TMEM132D: variants seen among roughly 807,000 people sequenced by gnomAD.
TMEM132D encodes the protein transmembrane protein 132D, also known as mature OL transmembrane protein.
TMEM132D carries 21 observed loss-of-function variants against 62.3 expected under a neutral mutation model. That is an observed-to-expected ratio of 0.34 (90% CI 0.24 to 0.49). TMEM132D has a LOEUF of 0.49. TMEM132D is among the 20% of genes least tolerant of loss of function. The pLI, the probability that TMEM132D is intolerant of heterozygous loss-of-function variation, is 0.99. For missense variants in TMEM132D, 1,346 were observed against 1,402.8 expected (o/e 0.96, Z 0.65); for synonymous variants, 621 against 575.6 (o/e 1.08, Z -1.13).
chr12:129,508,294 T>A (rs868040112), intron 3 of TMEM132D, among the ~76,000 whole-genome samples: 4 of 152,264 alleles, frequency 2.6e-5, no homozygotes, highest in Middle Eastern at 3.4e-3. Flanking sequence ...GGAAGAAATA[T>A]CTTATTAAAA....
chr12:129,168,743 T>A (rs1310297047), intron 5 of TMEM132D, among the ~76,000 whole-genome samples: 2 of 152,212 alleles, frequency 1.3e-5, no homozygotes, highest in African/African-American at 4.8e-5. Flanking sequence ...ACCTTCCAGA[T>A]GCTGGTGGTA....
At chr12:129,633,872 A>T (rs1447039111) in intron 2 of TMEM132D, among the ~76,000 whole-genome samples, 1 of 152,170 alleles carries the variant, frequency 6.6e-6, no homozygotes, top group Admixed American at 6.5e-5. Context: ...AAACTTAAAA[A>T]TGTTCATTCC....
chr12:129,296,532 G>A (rs1881580922), intron 4 of TMEM132D, among the ~76,000 whole-genome samples: 1 of 152,212 alleles, frequency 6.6e-6, no homozygotes, highest in African/African-American at 2.4e-5. Context: ...GGCAGCTTCT[G>A]AACCCTATTC....
At chr12:129,701,922 GA>G (rs1389463311) in intron 1 of TMEM132D, among the ~76,000 whole-genome samples, 1 of 152,204 alleles carries the variant, frequency 6.6e-6, no homozygotes, top group Non-Finnish European at 1.5e-5. Flanking sequence ...GCCAGCAGCT[GA>G]GAGAGCCAAG....
intron 3 of TMEM132D, among the ~76,000 whole-genome samples, chr12:129,429,827 G>A (rs946063621): frequency 6.1e-5 from 9 of 147,164 alleles, no homozygotes; most frequent in East Asian, 2.0e-4. Context: ...GTGAGAACAC[G>A]CGGTGTTTGG....
Position 129,134,481 on chromosome 12 carries a change from T to G in TMEM132D, c.1444-49779A>C, listed in dbSNP as rs1356943470. Among the ~76,000 whole-genome samples, 4 of 152,240 alleles carry G rather than the reference T, an allele frequency of 2.6e-5. No individual in the cohort carries two copies. In the East Asian group the frequency reaches 7.7e-4, roughly 29 times the overall value. On this transcript the variant is annotated intron_variant, in intron 5 of 8. Transcript: ENST00000422113. ...TCAATATCCTCAGCTCAAGAGAAGTTTTATTCATTGACCTCGATGGGGGTG... is the reference window on the plus strand; with the variant it reads ...TCAATATCCTCAGCTCAAGAGAAGTGTTATTCATTGACCTCGATGGGGGTG...
intron 5 of TMEM132D, among the ~76,000 whole-genome samples, chr12:129,166,690 C>G (rs965329653): frequency 9.1e-6 from 1 of 110,266 alleles, no homozygotes. Flanking sequence ...TATACACATA[C>G]ACACACACAC....
chr12:129,085,362 C>T (rs1486641), intron 5 of TMEM132D: 59,511 of 151,984 alleles, frequency 0.39, 11,622 homozygotes, highest in African/African-American at 0.42. Flanking sequence ...AGGGGCTCGA[C>T]GAGGCACAGG....
chr12:129,816,367 A>G (rs1200489733), intron 1 of TMEM132D, among the ~76,000 whole-genome samples: 2 of 152,244 alleles, frequency 1.3e-5, no homozygotes, highest in Admixed American at 1.3e-4. Flanking sequence ...CGGGAGGAGT[A>G]TGAGATCCAC....
At chr12:129,830,003 T>A (rs971796963) in intron 1 of TMEM132D, among the ~76,000 whole-genome samples, 2 of 152,060 alleles carry the variant, frequency 1.3e-5, no homozygotes, top group African/African-American at 4.8e-5. Context: ...TAGAGTGTGA[T>A]CTCACTCAGC....
intron 3 of TMEM132D, among the ~76,000 whole-genome samples, chr12:129,467,513 T>C (rs1189334234): frequency 6.6e-6 from 1 of 152,150 alleles, no homozygotes; most frequent in Non-Finnish European, 1.5e-5. Flanking sequence ...AGCATTCTGA[T>C]TGGCTGGGGC....
intron 1 of TMEM132D, among the ~76,000 whole-genome samples, chr12:129,881,012 A>G (rs958583120): frequency 1.3e-5 from 2 of 152,158 alleles, no homozygotes; most frequent in African/African-American, 2.4e-5. Context: ...TAACTAGTTA[A>G]AAATAAAAGG....
chr12:129,881,531 C>T lies in TMEM132D; in HGVS notation c.79+21730G>A, dbSNP rs1204570109. Among the ~76,000 whole-genome samples the T allele has an allele frequency of 2.0e-5, 3 of 151,842 alleles. No homozygotes were observed. The East Asian group carries it at 5.8e-4, about 29-fold the overall frequency. On this transcript the variant is annotated intron_variant, in intron 1 of 8. Transcript: ENST00000422113. ...ACCAAAATGATATTAACCTAAAAAT[C>T]GATATCAGAAAGGTATCTAGAAAAT...
intron 4 of TMEM132D, among the ~76,000 whole-genome samples, chr12:129,299,723 G>C (rs939226338): frequency 6.7e-6 from 1 of 149,272 alleles, no homozygotes; most frequent in African/African-American, 2.5e-5. Flanking sequence ...TTAATTTACT[G>C]CTGAGAAAAA....
intron 1 of TMEM132D, among the ~76,000 whole-genome samples, chr12:129,897,259 C>T (rs541758853): frequency 6.6e-6 from 1 of 152,172 alleles, no homozygotes; most frequent in Non-Finnish European, 1.5e-5. Context: ...TGCTGTCTGG[C>T]GTCAAACATC....
At position 129,247,439 on chromosome 12, in the gene TMEM132D, T is replaced by G. The variant is rs561987572; in HGVS notation, c.1300-37776A>C. On this transcript the variant is annotated intron_variant, in intron 4 of 8. Transcript: ENST00000422113. ...AGTCTATCTACCGTGGGAAATGGTA[T>G]TGAAATAGGTCATGCTCTGGATTTG... Among the ~76,000 whole-genome samples the G allele has an allele frequency of 1.4e-3, 215 of 152,342 alleles. 3 individuals are homozygous for G. Among genetic ancestry groups the G allele is most frequent in the Non-Finnish European group, 2.5e-4 (17 of 68,030 alleles).
At chr12:129,308,550 C>T (rs1881897413) in intron 4 of TMEM132D, among the ~76,000 whole-genome samples, 1 of 152,224 alleles carries the variant, frequency 6.6e-6, no homozygotes, top group African/African-American at 2.4e-5. Context: ...GGCTTACTTC[C>T]TATCACTTGC....
intron 2 of TMEM132D, among the ~76,000 whole-genome samples, chr12:129,672,132 G>A (rs539521864): frequency 5.7e-4 from 87 of 152,314 alleles, no homozygotes; most frequent in Middle Eastern, 3.4e-3. Flanking sequence ...CCTGAAGGAT[G>A]TGAAAGAGAG....
intron 1 of TMEM132D, among the ~76,000 whole-genome samples, chr12:129,816,118 G>A (rs1462873278): frequency 8.3e-6 from 1 of 120,222 alleles, no homozygotes; most frequent in African/African-American, 3.2e-5. Context: ...AACCTGCCAT[G>A]CAGGCAAGTA....
Sources: allele counts gnomAD v4.1 joint callset (sites outside exome capture counted in the v4.1 genomes callset), GRCh38; gene constraint gnomAD v4.1.1; transcripts MANE v1.5; gene names NCBI Gene and HGNC (gene_info 2026-07-23, HGNC 2026-07-21).